The following RASSF6 variants were observed in gnomAD, a reference collection of about 807,000 sequenced individuals.
RASSF6 encodes ras association domain-containing protein 6.
RASSF6 carries 52 observed loss-of-function variants against 44.0 expected under a neutral mutation model. The observed-to-expected ratio is 1.18, with a 90% CI of 0.95 to 1.49. RASSF6 has a LOEUF of 1.49. RASSF6 is among the 40% of genes most tolerant of loss of function. The pLI, the probability that RASSF6 is intolerant of heterozygous loss-of-function variation, is 0.00. For synonymous variants in RASSF6, 162 were observed against 124.6 expected (o/e 1.30, Z -2.00); for missense variants, 464 against 393.3 (o/e 1.18, Z -1.52).
Position 73,576,264 on chromosome 4 carries a change from GT to G in RASSF6, c.984del (p.Lys328AsnfsTer2). On this transcript the variant is annotated frameshift_variant, in exon 11 of 11. Transcript: ENST00000307439. LOFTEE classifies it high-confidence loss of function. Reference sequence around the variant, plus strand: ...ACTGTTGTCTCTGTTTTTATTACTAGTTTATTTTGAAGACATTTCAGTATAA... The same window carrying G: ...ACTGTTGTCTCTGTTTTTATTACTAGTTATTTTGAAGACATTTCAGTATAA... ...KAIILKCLQNKLVIKTETTV is the reference protein window; with the variant it reads ...KAIILKCLQNXLVIKTETTV The G allele has an allele frequency of 6.4e-7, 1 of 1,560,070 alleles. No individual in the cohort carries two copies. The highest frequency in any genetic ancestry group is 8.8e-7 in the Non-Finnish European group (1 of 1,135,452).
At chr4:73,606,198 A>G (rs1470051931) in intron 2 of RASSF6, among the ~76,000 whole-genome samples, 2 of 152,246 alleles carry the variant, frequency 1.3e-5, no homozygotes, top group Admixed American at 1.3e-4. Context: ...GATAAAAACA[A>G]TGTGGTACAT....
chr4:73,592,037 C>T (rs1421069640), intron 4 of RASSF6, among the ~76,000 whole-genome samples: 1 of 152,102 alleles, frequency 6.6e-6, no homozygotes, highest in Non-Finnish European at 1.5e-5. Flanking sequence ...TTCTGGAGAA[C>T]ATGTTACCTC....
At chr4:73,582,806 A>G (rs1723774705) in intron 6 of RASSF6, among the ~76,000 whole-genome samples, 1 of 151,096 alleles carries the variant, frequency 6.6e-6, no homozygotes, top group Admixed American at 6.7e-5. Context: ...ATCAAAGTAT[A>G]CAGACACAAA....
intron 2 of RASSF6, among the ~76,000 whole-genome samples, chr4:73,605,865 A>AT (rs1725586151): frequency 6.6e-6 from 1 of 152,028 alleles, no homozygotes; most frequent in East Asian, 1.9e-4. Context: ...CATTTCTCTG[A>AT]TTAGTGATGA....
intron 8 of RASSF6, among the ~76,000 whole-genome samples, chr4:73,581,084 T>A (rs931778484): frequency 1.9e-5 from 2 of 107,398 alleles, no homozygotes; most frequent in African/African-American, 6.6e-5. Context: ...TGTTTAGAGA[T>A]ACAGCTTTCA....
intron 3 of RASSF6, among the ~76,000 whole-genome samples, chr4:73,596,402 G>C (rs1298013121): frequency 6.6e-6 from 1 of 152,116 alleles, no homozygotes; most frequent in Non-Finnish European, 1.5e-5. Flanking sequence ...AAAATACCTA[G>C]GAGTACAGCT....
rs371139711 is a variant in RASSF6, at chr4:73,576,652, A to G, written c.801T>C (p.Ile267=). 8 of 1,613,664 alleles carry G rather than the reference A, an allele frequency of 5.0e-6. No homozygotes were observed. Among genetic ancestry groups the G allele is most frequent in the African/African-American group, 1.3e-5 (1 of 74,912 alleles). The change falls in exon 9 of 11, where the codon ATT becomes ATC. Residue 267 remains isoleucine (I), a synonymous_variant. Transcript: ENST00000307439. ...CTTCTGCATCTTTATCCATGAGGAA[A>G]ATGCGAGCATTCTTTTCAGAAGGTC... ...LQGPSEKNAR[I]FLMDKDAEEI...
chr4:73,583,417 A>G (rs1318058983), intron 6 of RASSF6, among the ~76,000 whole-genome samples: 1 of 152,166 alleles, frequency 6.6e-6, no homozygotes, highest in African/African-American at 2.4e-5. Flanking sequence ...ATAGAAATAT[A>G]CTACTGGTCA....
At position 73,573,761 on chromosome 4, in the gene RASSF6, A is replaced by G. The variant is rs777592525; in HGVS notation, c.*2474T>C. On this transcript the variant is annotated 3_prime_UTR_variant, in exon 11 of 11. Transcript: ENST00000307439. ...TTATTTTACTTTGTACTTCGGTGGC[A>G]TGTCAGTTATTATTTTACTGTCTCT... 1 of 152,196 alleles carries G rather than the reference A, an allele frequency of 6.6e-6. No homozygotes were observed. The highest frequency in any genetic ancestry group is 2.4e-5 in the African/African-American group (1 of 41,452). 9.4% of individuals were successfully genotyped at this position (152,196 alleles called of 1,614,324 possible).
intron 3 of RASSF6, among the ~76,000 whole-genome samples, chr4:73,598,131 T>A (rs939425723): frequency 6.6e-6 from 1 of 152,218 alleles, no homozygotes; most frequent in Non-Finnish European, 1.5e-5. Flanking sequence ...AGAAAAATGC[T>A]TTCTAGCTTC....
At position 73,588,606 on chromosome 4, in the gene RASSF6, A is replaced by T. The variant is rs377473225; in HGVS notation, c.288-672T>A. 2.6e-5 allele frequency among the ~76,000 whole-genome samples: 4 copies of T among 152,184 alleles called. No homozygotes were observed. The East Asian group carries it at 5.8e-4, about 22-fold the overall frequency. On this transcript the variant is annotated intron_variant, in intron 4 of 10. Coordinates refer to ENST00000307439, the MANE Select transcript of RASSF6 (RefSeq NM_177532.5). ...TTATCTGGTCTTAAACAAGTTTCTTATCCCCTCTGTGCCTGTGTCCTCATC... is the reference window on the plus strand; with the variant it reads ...TTATCTGGTCTTAAACAAGTTTCTTTTCCCCTCTGTGCCTGTGTCCTCATC...
At chr4:73,591,888 A>G (rs992936933) in intron 4 of RASSF6, among the ~76,000 whole-genome samples, 58 of 151,628 alleles carry the variant, frequency 3.8e-4, no homozygotes, top group African/African-American at 1.4e-3. Context: ...AGATGAATAA[A>G]GCACATTCCC....
chr4:73,620,235 C>T, intron 1 of RASSF6, 53 bp downstream of exon 1: 1 of 1,226,144 alleles, frequency 8.2e-7, no homozygotes, highest in Non-Finnish European at 1.1e-6. Flanking sequence ...TTGCCCTCAA[C>T]ATGACCCCAG....
intron 7 of RASSF6, 56 bp downstream of exon 7, chr4:73,582,133 T>A (rs997445039): frequency 1.1e-5 from 9 of 845,356 alleles, no homozygotes; most frequent in Non-Finnish European, 1.7e-5. Context: ...GATTTGTGTG[T>A]TTATAGTTGA....
rs1724008424 is a variant in RASSF6 at position 73,585,353 on chromosome 4, A to G, written c.394T>C (p.Tyr132His). ...TGTGGCTTCAGGGTGTTGCTGTGAT[A>G]AGATAAATAGTCTGGGAAGAATAGA... Reference protein sequence around the residue: ...KRNSQEDYLSYHSNTLKPHAK... With the variant: ...KRNSQEDYLSHHSNTLKPHAK... Residue 132 changes from tyrosine (Y) to histidine (H), a missense_variant, in exon 6 of 11, where the codon TAT becomes CAT. Physicochemically the swap from Tyr to His is moderately conservative, Grantham distance 83. Transcript: ENST00000307439. 1 of 1,590,214 alleles carries G rather than the reference A, an allele frequency of 6.3e-7. No individual in the cohort carries two copies. Among genetic ancestry groups the G allele is most frequent in the African/African-American group, 1.4e-5 (1 of 73,748 alleles).
At chr4:73,583,840 GA>G (rs990821918) in intron 6 of RASSF6, among the ~76,000 whole-genome samples, 4 of 152,106 alleles carry the variant, frequency 2.6e-5, no homozygotes, top group Admixed American at 2.6e-4. Flanking sequence ...AAAGTAAGAA[GA>G]ATGAAACTTG....
chr4:73,593,137 T>A (rs1279239840), intron 4 of RASSF6, among the ~76,000 whole-genome samples: 2 of 151,550 alleles, frequency 1.3e-5, no homozygotes, highest in Non-Finnish European at 1.5e-5. Context: ...TGCCTCAGCC[T>A]CCCGAGTAGC....
rs1411536273 is a variant in RASSF6, at chr4:73,575,454, T to C, written c.*781A>G. The C allele has an allele frequency of 6.6e-6, 1 of 152,124 alleles. No individual in the cohort carries two copies. The highest frequency in any genetic ancestry group is 1.9e-4 in the East Asian group (1 of 5,188). 9.4% of individuals were successfully genotyped at this position (152,124 alleles called of 1,614,324 possible). A position where few individuals can be genotyped will look rare whatever the true frequency, so the allele number is the denominator to read the frequency against. On this transcript the variant is annotated 3_prime_UTR_variant, in exon 11 of 11. Coordinates refer to ENST00000307439, the MANE Select transcript of RASSF6 (RefSeq NM_177532.5). Reference sequence around the variant, plus strand: ...TTGTATTCATTCAGCAACAAATAGGTATTTGTGGGCCAAGTCTTACTTTAG... The same window carrying C: ...TTGTATTCATTCAGCAACAAATAGGCATTTGTGGGCCAAGTCTTACTTTAG...
chr4:73,601,249 C>T (rs1725260042), intron 2 of RASSF6, among the ~76,000 whole-genome samples: 1 of 152,138 alleles, frequency 6.6e-6, no homozygotes, highest in Admixed American at 6.5e-5. Context: ...GATGGTGGTC[C>T]CAGGCTGCCT....
Sources: gnomAD v4.1 joint callset for allele counts (sites outside exome capture counted in the v4.1 genomes callset) on GRCh38, gnomAD v4.1.1 for gene constraint, MANE v1.5 for transcripts, NCBI Gene and HGNC (gene_info 2026-07-23, HGNC 2026-07-21) for gene names.